The following PTPRD variants were observed in gnomAD, a reference collection of about 807,000 sequenced individuals.
PTPRD encodes the protein receptor-type tyrosine-protein phosphatase delta.
PTPRD carries 34 observed loss-of-function variants against 214.5 expected under a neutral mutation model. That is an observed-to-expected ratio of 0.16 (90% confidence interval 0.12 to 0.21). The LOEUF is 0.21. PTPRD is among the 10% of genes least tolerant of loss of function. The pLI is 1.00. For missense variants in PTPRD, 2,545 were observed against 2,398.7 expected (o/e 1.06, Z -1.27); for synonymous variants, 1,128 against 845.7 (o/e 1.33, Z -5.79).
chr9:10,375,412 C>A (rs989293946), intron 2 of PTPRD, among the ~76,000 whole-genome samples: 2 of 151,978 alleles, frequency 1.3e-5, no homozygotes, highest in African/African-American at 4.8e-5. Flanking sequence ...ACCTTCATGT[C>A]CTCTGAATTT....
intron 11 of PTPRD, among the ~76,000 whole-genome samples, chr9:8,822,815 C>T (rs530584373): frequency 6.6e-6 from 1 of 152,110 alleles, no homozygotes; most frequent in African/African-American, 2.4e-5. Context: ...CAACCCCCTC[C>T]CATCCCCCAA....
At chr9:10,501,816 T>G (rs1419321781) in intron 2 of PTPRD, among the ~76,000 whole-genome samples, 1 of 151,944 alleles carries the variant, frequency 6.6e-6, no homozygotes, top group Admixed American at 6.6e-5. Flanking sequence ...TGTTGACAAA[T>G]TCAACACAGA....
chr9:8,459,918 T>A (rs1240212507), intron 33 of PTPRD, among the ~76,000 whole-genome samples: 2 of 152,100 alleles, frequency 1.3e-5, no homozygotes, highest in Non-Finnish European at 2.9e-5. Context: ...CCTTAATCCT[T>A]AATTTTTATC....
At chr9:9,077,546 A>T (rs1023800440) in intron 10 of PTPRD, among the ~76,000 whole-genome samples, 2 of 152,028 alleles carry the variant, frequency 1.3e-5, no homozygotes, top group African/African-American at 4.8e-5. Flanking sequence ...CTCCTTTTTT[A>T]TGTTTATAGA....
intron 11 of PTPRD, among the ~76,000 whole-genome samples, chr9:8,947,834 A>G (rs1051777204): frequency 1.3e-5 from 2 of 152,124 alleles, no homozygotes; most frequent in Admixed American, 6.6e-5. Flanking sequence ...GATAGCTTAT[A>G]TTTATGAAAC....
chr9:10,031,625 C>CATATATATATATATATATATATATATAT (rs1171466919), intron 4 of PTPRD, among the ~76,000 whole-genome samples: 10 of 87,348 alleles, frequency 1.1e-4, no homozygotes, highest in Non-Finnish European at 1.3e-4. Context: ...TAAAAAACTC[C>CATATATATATATATATATATATATATAT]ATATATATAT....
intron 8 of PTPRD, among the ~76,000 whole-genome samples, chr9:9,517,110 A>T (rs564541301): frequency 6.6e-6 from 1 of 152,236 alleles, no homozygotes; most frequent in South Asian, 2.1e-4. Flanking sequence ...AATTTTAAAA[A>T]CATTAATTTA....
At chr9:10,013,815 C>A (rs1337912433) in intron 4 of PTPRD, among the ~76,000 whole-genome samples, 1 of 151,880 alleles carries the variant, frequency 6.6e-6, no homozygotes, top group Non-Finnish European at 1.5e-5. Flanking sequence ...TTTTGGTTCA[C>A]ATAATAATGT....
At chr9:9,687,837 T>C (rs184667306) in intron 7 of PTPRD, among the ~76,000 whole-genome samples, 1 of 151,896 alleles carries the variant, frequency 6.6e-6, no homozygotes, top group East Asian at 1.9e-4. Context: ...AGATACATTA[T>C]TATGGGTGTG....
At chr9:8,850,858 C>G (rs376032724) in intron 11 of PTPRD, among the ~76,000 whole-genome samples, 15 of 152,168 alleles carry the variant, frequency 9.9e-5, no homozygotes, top group South Asian at 4.2e-4. Flanking sequence ...AGAGCATACT[C>G]AAAATGTCCC....
chr9:9,355,290 T>G (rs1355888140), intron 9 of PTPRD, among the ~76,000 whole-genome samples: 2 of 151,704 alleles, frequency 1.3e-5, no homozygotes, highest in Admixed American at 1.3e-4. Flanking sequence ...TGAATTATAA[T>G]GGTACAATGG....
intron 11 of PTPRD, among the ~76,000 whole-genome samples, chr9:8,868,999 A>G (rs2098247495): frequency 6.6e-6 from 1 of 152,188 alleles, no homozygotes; most frequent in Non-Finnish European, 1.5e-5. Context: ...TTAAAATAGG[A>G]AGCCATGCCA....
intron 11 of PTPRD, among the ~76,000 whole-genome samples, chr9:8,907,934 C>G (rs1441151579): frequency 1.3e-5 from 2 of 152,196 alleles, no homozygotes; most frequent in East Asian, 3.9e-4. Context: ...AAACTATCAA[C>G]AGATCCAGGA....
intron 14 of PTPRD, among the ~76,000 whole-genome samples, chr9:8,620,369 C>T (rs1191583484): frequency 3.3e-5 from 5 of 151,972 alleles, no homozygotes; most frequent in African/African-American, 4.8e-5. Flanking sequence ...GACAGCATGC[C>T]GCTCATGGAG....
chr9:9,187,585 C>T (rs2099932414), intron 9 of PTPRD, among the ~76,000 whole-genome samples: 1 of 151,868 alleles, frequency 6.6e-6, no homozygotes, highest in African/African-American at 2.4e-5. Context: ...TCCCTCCCTC[C>T]CTGCTTCCCT....
chr9:10,052,944 T>C (rs2097560408), intron 3 of PTPRD, among the ~76,000 whole-genome samples: 1 of 152,150 alleles, frequency 6.6e-6, no homozygotes, highest in Admixed American at 6.6e-5. Context: ...ATTTTTTATA[T>C]TATATTTCAA....
At chr9:10,376,438 C>T (rs2097730221) in intron 2 of PTPRD, among the ~76,000 whole-genome samples, 1 of 151,440 alleles carries the variant, frequency 6.6e-6, no homozygotes, top group Non-Finnish European at 1.5e-5. Context: ...TGATATTCTG[C>T]TTGCCTTCTA....
intron 9 of PTPRD, among the ~76,000 whole-genome samples, chr9:9,257,518 A>G (rs1406681050): frequency 1.3e-5 from 2 of 151,956 alleles, no homozygotes; most frequent in Non-Finnish European, 2.9e-5. Flanking sequence ...TTGGCCAAGG[A>G]TGGGGGCTCA....
At chr9:9,864,184 C>T (rs12003884) in intron 5 of PTPRD, among the ~76,000 whole-genome samples, 14,042 of 152,018 alleles carry the variant, frequency 0.092, 1,604 homozygotes, top group African/African-American at 0.28. Context: ...CGGGTGCCCG[C>T]AGTCCCAGCT....
Sources: allele counts gnomAD v4.1 joint callset (sites outside exome capture counted in the v4.1 genomes callset), GRCh38; gene constraint gnomAD v4.1.1; transcripts MANE v1.5; gene names NCBI Gene and HGNC (gene_info 2026-07-23, HGNC 2026-07-21).